The following EPHB2 variants were observed in gnomAD, a reference collection of about 807,000 sequenced individuals.
EPHB2 encodes ephrin type-B receptor 2.
In EPHB2, 18 loss-of-function variants were observed where a neutral mutation model predicts 96.4. That is an observed-to-expected ratio of 0.19 (90% confidence interval 0.13 to 0.28). The LOEUF (loss-of-function observed/expected upper bound fraction) is 0.28, where lower values mean the gene tolerates loss of function less well. EPHB2 is among the 10% of genes least tolerant of loss of function. The pLI, the probability that EPHB2 is intolerant of heterozygous loss-of-function variation, is 1.00. For missense variants in EPHB2, 989 were observed against 1,355.4 expected (o/e 0.73, Z 4.25); for synonymous variants, 506 against 534.1 (o/e 0.95, Z 0.72).
intron 2 of EPHB2, 73 bp downstream of exon 2, chr1:22,781,558 C>A: frequency 6.8e-7 from 1 of 1,473,936 alleles, no homozygotes; most frequent in Non-Finnish European, 9.4e-7. Flanking sequence ...CCCGAATGCC[C>A]CCTCATATTC....
At chr1:22,781,558 C>T in intron 2 of EPHB2, 73 bp downstream of exon 2, 1 of 1,473,938 alleles carries the variant, frequency 6.8e-7, no homozygotes, top group Non-Finnish European at 9.4e-7. Context: ...CCCGAATGCC[C>T]CCTCATATTC....
intron 5 of EPHB2, among the ~76,000 whole-genome samples, chr1:22,879,208 A>AG (rs1168651072): frequency 8.7e-4 from 25 of 28,890 alleles, no homozygotes; most frequent in African/African-American, 1.0e-3. Flanking sequence ...CCCCACCTCC[A>AG]CCACACACAC....
At chr1:22,743,485 T>C (rs1643928815) in intron 1 of EPHB2, among the ~76,000 whole-genome samples, 1 of 152,044 alleles carries the variant, frequency 6.6e-6, no homozygotes, top group South Asian at 2.1e-4. Context: ...AATTTTATGT[T>C]TTTGAGACAG....
intron 5 of EPHB2, among the ~76,000 whole-genome samples, chr1:22,877,062 T>C (rs1638863220): frequency 6.6e-6 from 1 of 152,090 alleles, no homozygotes; most frequent in African/African-American, 2.4e-5. Flanking sequence ...CGGGGTTAGC[T>C]CTGCAGCAGC....
chr1:22,864,033 T>C (rs1182785718), intron 4 of EPHB2, among the ~76,000 whole-genome samples: 1 of 64,764 alleles, frequency 1.5e-5, no homozygotes, highest in Admixed American at 1.8e-4. Flanking sequence ...TAGTTTCTGT[T>C]CTTTTTTTTT....
At position 22,799,850 on chromosome 1, in the gene EPHB2, T is replaced by A. The variant is rs188094976; in HGVS notation, c.811+14774T>A. ...GCCTTAGAGAGAAAAGATTCCGCCC[T>A]GGGGTCTTTGCAGGCCTGACCTGGG... is the stretch of plus-strand genomic sequence containing the variant. On this transcript the variant is annotated intron_variant, in intron 3 of 15. Transcript: ENST00000374630. Among the ~76,000 whole-genome samples the A allele has an allele frequency of 1.6e-3, 242 of 152,340 alleles. 1 individual carries two copies. The highest frequency in any genetic ancestry group is 8.3e-3 in the South Asian group (40 of 4,832).
At chr1:22,767,747 C>T (rs873296) in intron 1 of EPHB2, among the ~76,000 whole-genome samples, 15,266 of 152,178 alleles carry the variant, frequency 0.1, 1,344 homozygotes, top group East Asian at 0.47. Context: ...CTCTTGATTT[C>T]GAGCCCTGCT....
chr1:22,792,568 T>C (rs2148436058), intron 3 of EPHB2, among the ~76,000 whole-genome samples: 1 of 152,160 alleles, frequency 6.6e-6, no homozygotes, highest in Non-Finnish European at 1.5e-5. Flanking sequence ...TATCCATCCA[T>C]TGGTCCATCC....
chr1:22,852,044 T>C (rs1645632068), intron 3 of EPHB2, among the ~76,000 whole-genome samples: 1 of 152,246 alleles, frequency 6.6e-6, no homozygotes, highest in Admixed American at 6.5e-5. Context: ...GAGTTGTTCA[T>C]GTTTTTGAGC....
intron 3 of EPHB2, chr1:22,836,849 A>C (rs1410082747): frequency 6.6e-6 from 1 of 152,316 alleles, no homozygotes; most frequent in East Asian, 1.9e-4. Flanking sequence ...TGTGCTGGGC[A>C]CTGGGGAAAC....
chr1:22,797,755 A>C (rs1396383359), intron 3 of EPHB2, among the ~76,000 whole-genome samples: 2 of 152,116 alleles, frequency 1.3e-5, no homozygotes, highest in African/African-American at 4.8e-5. Context: ...AAAATGGCTC[A>C]CAAGGCCCTT....
chr1:22,822,509 G>A (rs1645166293), intron 3 of EPHB2, among the ~76,000 whole-genome samples: 1 of 152,244 alleles, frequency 6.6e-6, no homozygotes, highest in Admixed American at 6.5e-5. Context: ...GCAGAGGTGT[G>A]ATTTGAAGCC....
In EPHB2 at chr1:22,919,969, T is replaced by A. The variant is rs1416243079; in HGVS notation, c.*6399T>A. On this transcript the variant is annotated 3_prime_UTR_variant, in exon 16 of 16. Coordinates refer to ENST00000374630, the MANE Select transcript of EPHB2 (RefSeq NM_017449.5). ...CCAGACCTGTGGGCCCTAGCATTTT[T>A]TTAAAAGCACAAAAAAAAAAGAGCA... The A allele has an allele frequency of 6.6e-6, 1 of 152,094 alleles. No homozygotes were observed. Among genetic ancestry groups the A allele is most frequent in the Non-Finnish European group, 1.5e-5 (1 of 67,986 alleles). The allele number at this position is 152,094 out of a possible 1,614,324, so 9.4% of individuals were successfully genotyped here.
At chr1:22,769,128 G>A (rs1379767620) in intron 1 of EPHB2, among the ~76,000 whole-genome samples, 3 of 152,156 alleles carry the variant, frequency 2.0e-5, no homozygotes, top group Non-Finnish European at 4.4e-5. Flanking sequence ...CCCCAGCCAT[G>A]TCCATATCCA....
rs1640172473 is a variant in EPHB2 at position 22,913,407 on chromosome 1, G to A, written c.2853-55G>A. 2 of 1,598,256 alleles carry A rather than the reference G, an allele frequency of 1.3e-6. No homozygotes were observed. The highest frequency in any genetic ancestry group is 1.7e-6 in the Non-Finnish European group (2 of 1,172,064). ...GGAAGCCCAGGCAGCTCTCTACCAG[G>A]CACAGGACCCCTTCACCCGCATATT... On this transcript the variant is annotated intron_variant, in intron 15 of 15. Coordinates refer to ENST00000374630, the MANE Select transcript of EPHB2 (RefSeq NM_017449.5). This position sits in a 1 kb window ranked among gnomAD's most constrained non-coding sequence, Gnocchi z 4.1.
intron 3 of EPHB2, among the ~76,000 whole-genome samples, chr1:22,833,174 G>C (rs954424226): frequency 6.6e-6 from 1 of 151,998 alleles, no homozygotes; most frequent in African/African-American, 2.4e-5. Context: ...CTGGAGTTCA[G>C]TGGCGCAGTC....
intron 1 of EPHB2, among the ~76,000 whole-genome samples, chr1:22,745,945 T>A (rs148468754): frequency 6.6e-6 from 1 of 152,328 alleles, no homozygotes; most frequent in Middle Eastern, 3.4e-3. Flanking sequence ...ACCTCAGCAG[T>A]CAGCCTGCAC....
In EPHB2 at chr1:22,799,245, C is replaced by CTG; in HGVS notation, c.811+14169_811+14170insTG. ...TCTACCTGGTCCTTGTGGCACTCCT[C>CTG]GAGAAGCCATCAGGACAGCTGTGAC... On this transcript the variant is annotated intron_variant, in intron 3 of 15. Coordinates refer to ENST00000374630, the MANE Select transcript of EPHB2 (RefSeq NM_017449.5). Among the ~76,000 whole-genome samples the CTG allele has an allele frequency of 2.0e-5, 3 of 152,200 alleles. No individual in the cohort carries two copies. In the South Asian group the frequency reaches 6.2e-4, roughly 32 times the overall value.
intron 3 of EPHB2, among the ~76,000 whole-genome samples, chr1:22,824,823 GC>G (rs972471931): frequency 1.6e-4 from 25 of 152,256 alleles, no homozygotes; most frequent in African/African-American, 5.8e-4. Context: ...TGGGATGGCA[GC>G]CCCGTGAGCA....
Sources: allele counts gnomAD v4.1 joint callset (sites outside exome capture counted in the v4.1 genomes callset), GRCh38; gene constraint gnomAD v4.1.1; non-coding constraint Gnocchi (gnomAD v3.1); transcripts MANE v1.5; gene names NCBI Gene and HGNC (gene_info 2026-07-23, HGNC 2026-07-21).